Variants in SYN2 observed in about 807,000 individuals in gnomAD.
The protein encoded by SYN2 is synapsin II.
Under a neutral mutation model 50.9 loss-of-function variants are expected in SYN2, and 19 were observed. The observed-to-expected ratio is 0.37, with a 90% confidence interval of 0.26 to 0.55. SYN2 has a LOEUF of 0.55. Ranked by LOEUF, SYN2 falls within the 20% of genes least tolerant of loss-of-function variation. The pLI, the probability that SYN2 is intolerant of heterozygous loss-of-function variation, is 0.81. For synonymous variants in SYN2, 255 were observed against 224.9 expected (o/e 1.13, Z -1.20); for missense variants, 587 against 576.4 (o/e 1.02, Z -0.19).
chr3:12,158,365 T>G (rs911193780), intron 5 of SYN2, among the ~76,000 whole-genome samples: 2 of 152,094 alleles, frequency 1.3e-5, no homozygotes, highest in African/African-American at 2.4e-5. Context: ...CCCTCTCCCC[T>G]CCCCTTTCTG....
chr3:12,063,121 G>A (rs1287004786), intron 1 of SYN2, among the ~76,000 whole-genome samples: 1 of 151,626 alleles, frequency 6.6e-6, no homozygotes, highest in African/African-American at 2.4e-5. Context: ...GGAGATTTGG[G>A]GGGTGGTGAA....
Position 12,168,451 on chromosome 3 carries a change from CA to C in SYN2, c.1134del (p.Asp379MetfsTer16). ...TCTGTGCTGTCAAAGCTGTACATGG[CA>C]AAGATGGGAAAGACTACATTTTTGA... The part of the protein sequence containing the change: ...DICAVKAVHG[K>X]DGKDYIFEVM... On this transcript the variant is annotated frameshift_variant, in exon 9 of 13. Transcript: ENST00000621198. LOFTEE classifies it high-confidence loss of function. 1 of 1,613,874 alleles carries C rather than the reference CA, an allele frequency of 6.2e-7. No homozygotes were observed. Among genetic ancestry groups the C allele is most frequent in the East Asian group, 2.2e-5 (1 of 44,880 alleles).
chr3:12,148,125 A>AG (rs1463991649), intron 4 of SYN2, among the ~76,000 whole-genome samples: 1 of 151,984 alleles, frequency 6.6e-6, no homozygotes, highest in Non-Finnish European at 1.5e-5. Flanking sequence ...AAAAAAAAAA[A>AG]GAAATGTGTT....
At chr3:12,161,766 G>T in intron 6 of SYN2, 158 bp downstream of exon 6, 2 of 1,010,170 alleles carry the variant, frequency 2.0e-6, no homozygotes, top group Non-Finnish European at 2.9e-6. Flanking sequence ...CACCCAACCA[G>T]ACCTCTTTCA....
chr3:12,069,498 C>T (rs1312071128), intron 1 of SYN2, among the ~76,000 whole-genome samples: 1 of 152,116 alleles, frequency 6.6e-6, no homozygotes, highest in Non-Finnish European at 1.5e-5. Context: ...CTGCCCGCCT[C>T]AGCCTCCCAA....
chr3:12,121,953 CCTT>C (rs1257725453), intron 1 of SYN2, among the ~76,000 whole-genome samples: 1 of 152,074 alleles, frequency 6.6e-6, no homozygotes, highest in Non-Finnish European at 1.5e-5. Flanking sequence ...AGGCAGAATT[CCTT>C]CTTCTCTGCA....
intron 1 of SYN2, among the ~76,000 whole-genome samples, chr3:12,015,281 C>A (rs895791834): frequency 2.0e-5 from 3 of 152,184 alleles, no homozygotes; most frequent in Non-Finnish European, 4.4e-5. Flanking sequence ...CCTGTCATAG[C>A]AGTTAGCCCA....
chr3:12,134,772 A>C (rs1246366233), intron 1 of SYN2, among the ~76,000 whole-genome samples: 1 of 152,092 alleles, frequency 6.6e-6, no homozygotes, highest in African/African-American at 2.4e-5. Context: ...TTGTGTGCTT[A>C]AATTTTTTTT....
chr3:12,154,649 C>T (rs996328972), intron 5 of SYN2, among the ~76,000 whole-genome samples: 2 of 152,170 alleles, frequency 1.3e-5, no homozygotes, highest in Admixed American at 6.5e-5. Flanking sequence ...TATGTTTGTA[C>T]GAGGCAGAGT....
chr3:12,022,077 CAA>C (rs76652649), intron 1 of SYN2, among the ~76,000 whole-genome samples: 67 of 122,454 alleles, frequency 5.5e-4, no homozygotes, highest in Non-Finnish European at 4.1e-4. Context: ...GGCTCTGTGT[CAA>C]AAAAAAAAAA....
intron 1 of SYN2, among the ~76,000 whole-genome samples, chr3:12,101,448 G>A (rs1696073937): frequency 6.6e-6 from 1 of 152,084 alleles, no homozygotes; most frequent in Non-Finnish European, 1.5e-5. Context: ...AATTTACAGA[G>A]ACAAAATAAA....
At chr3:12,093,054 T>C (rs185082068) in intron 1 of SYN2, among the ~76,000 whole-genome samples, 5 of 152,348 alleles carry the variant, frequency 3.3e-5, no homozygotes, top group Admixed American at 3.3e-4. Context: ...ATTTTTCCTC[T>C]TTGGGCATCT....
intron 1 of SYN2, among the ~76,000 whole-genome samples, chr3:12,065,204 A>T (rs1016360946): frequency 6.6e-6 from 1 of 152,146 alleles, no homozygotes; most frequent in Non-Finnish European, 1.5e-5. Context: ...AAAACAACAG[A>T]TGCTGGTGAG....
chr3:12,185,207 A>G (rs1261615767), intron 11 of SYN2: 85 of 985,704 alleles, frequency 8.6e-5, no homozygotes, highest in Middle Eastern at 5.2e-4. Flanking sequence ...ATACCTCCCA[A>G]TCTGATGAAA....
At chr3:12,103,867 C>T (rs987104633) in intron 1 of SYN2, among the ~76,000 whole-genome samples, 4 of 152,114 alleles carry the variant, frequency 2.6e-5, no homozygotes, top group African/African-American at 9.7e-5. Context: ...CGAGTTCAGG[C>T]ATAACAAAAT....
chr3:12,120,704 G>A (rs1458484218), intron 1 of SYN2, among the ~76,000 whole-genome samples: 1 of 152,124 alleles, frequency 6.6e-6, no homozygotes, highest in East Asian at 1.9e-4. Flanking sequence ...ACTACCTGAG[G>A]GAATACATCT....
intron 1 of SYN2, among the ~76,000 whole-genome samples, chr3:12,088,370 A>G (rs1423666559): frequency 6.6e-6 from 1 of 151,106 alleles, no homozygotes; most frequent in Non-Finnish European, 1.5e-5. Context: ...ATAACATCTC[A>G]TACCTTTTAG....
At chr3:12,027,000 C>T (rs1034264293) in intron 1 of SYN2, among the ~76,000 whole-genome samples, 4 of 152,066 alleles carry the variant, frequency 2.6e-5, no homozygotes, top group African/African-American at 4.8e-5. Context: ...GTTGGATATA[C>T]GCGTAATGCT....
At chr3:12,137,389 G>T (rs1295587091) in intron 1 of SYN2, among the ~76,000 whole-genome samples, 3 of 152,126 alleles carry the variant, frequency 2.0e-5, no homozygotes, top group African/African-American at 7.2e-5. Context: ...CTTTTTCTTG[G>T]GTGGGGGACA....
Sources: allele counts gnomAD v4.1 joint callset (sites outside exome capture counted in the v4.1 genomes callset), GRCh38; gene constraint gnomAD v4.1.1; transcripts MANE v1.5; gene names NCBI Gene and HGNC (gene_info 2026-07-23, HGNC 2026-07-21).